Variants in MAST4 observed in about 807,000 individuals in gnomAD.
MAST4 encodes microtubule associated serine/threonine kinase family member 4.
Under a neutral mutation model 162.7 loss-of-function variants are expected in MAST4, and 89 were observed. The observed-to-expected ratio is 0.55, with a 90% CI of 0.46 to 0.65. The LOEUF (loss-of-function observed/expected upper bound fraction) is 0.65, where lower values mean the gene tolerates loss of function less well. Ranked by LOEUF, MAST4 falls within the 30% of genes least tolerant of loss-of-function variation. The pLI is 0.00. For missense variants in MAST4, 3,153 were observed against 3,374.0 expected (o/e 0.93, Z 1.62); for synonymous variants, 1,479 against 1,361.1 (o/e 1.09, Z -1.91).
chr5:66,817,488 A>G (rs907093079), intron 3 of MAST4, among the ~76,000 whole-genome samples: 2 of 152,236 alleles, frequency 1.3e-5, no homozygotes, highest in Admixed American at 6.5e-5. Flanking sequence ...CCTATGTTCA[A>G]TAAAGCTCAA....
intron 4 of MAST4, among the ~76,000 whole-genome samples, chr5:66,925,080 A>G (rs940550251): frequency 1.3e-5 from 2 of 152,162 alleles, no homozygotes; most frequent in East Asian, 1.9e-4. Flanking sequence ...ATGTTTTTCT[A>G]TATACTTTTA....
At chr5:66,640,134 T>A (rs182318461) in intron 1 of MAST4, among the ~76,000 whole-genome samples, 53 of 152,330 alleles carry the variant, frequency 3.5e-4, no homozygotes, top group African/African-American at 1.2e-3. Flanking sequence ...ATACAACAAC[T>A]ATTTTTAGAT....
intron 4 of MAST4, among the ~76,000 whole-genome samples, chr5:67,009,332 G>A (rs1752402075): frequency 6.6e-6 from 1 of 152,168 alleles, no homozygotes; most frequent in Admixed American, 6.5e-5. Flanking sequence ...CAGGATAAAT[G>A]GTGTGTACAA....
At chr5:66,649,361 C>T (rs546772556) in intron 1 of MAST4, among the ~76,000 whole-genome samples, 87 of 152,228 alleles carry the variant, frequency 5.7e-4, no homozygotes, top group Non-Finnish European at 1.0e-3. Flanking sequence ...AGGTTCTGTG[C>T]GTGTCTCTCC....
At chr5:66,907,970 A>G (rs1337666151) in intron 4 of MAST4, among the ~76,000 whole-genome samples, 4 of 152,318 alleles carry the variant, frequency 2.6e-5, no homozygotes, top group African/African-American at 9.6e-5. Context: ...AATTCAAAAT[A>G]TCTATTATCA....
At chr5:67,017,651 T>G (rs149715384) in intron 4 of MAST4, among the ~76,000 whole-genome samples, 2 of 150,394 alleles carry the variant, frequency 1.3e-5, no homozygotes, top group Non-Finnish European at 3.0e-5. Context: ...TCACCCAGGC[T>G]GGAGTGCAAT....
chr5:66,826,973 G>A lies in MAST4; in HGVS notation c.642+38179G>A, dbSNP rs189734435. 7.2e-5 allele frequency among the ~76,000 whole-genome samples: 11 copies of A among 152,246 alleles called. 1 individual carries two copies. Among genetic ancestry groups the A allele is most frequent in the South Asian group, 4.1e-4 (2 of 4,824 alleles). On this transcript the variant is annotated intron_variant, in intron 3 of 28. Coordinates refer to ENST00000403625, the MANE Select transcript of MAST4 (RefSeq NM_001164664.2). ...GCAGGCAACAATTGTCGTTCCCTTCGTTTTCACTGAAGAGCCAGATTTTCT... is the reference window on the plus strand; with the variant it reads ...GCAGGCAACAATTGTCGTTCCCTTCATTTTCACTGAAGAGCCAGATTTTCT...
At chr5:66,919,635 G>C (rs2150040186) in intron 4 of MAST4, among the ~76,000 whole-genome samples, 1 of 147,562 alleles carries the variant, frequency 6.8e-6, no homozygotes, top group Non-Finnish European at 1.5e-5. Flanking sequence ...CTCCAGCCTG[G>C]GCAACAGAGC....
In MAST4 at chr5:67,163,799, A is replaced by G. The variant is rs1773522981; in HGVS notation, c.4620A>G (p.Lys1540=). ...DKLKAKVVVK[K]ADGFPEKQES... ...TGAAGGCCAAGGTGGTGGTGAAGAA[A>G]GCAGACGGCTTCCCAGAGAAACAGG... is the stretch of plus-strand genomic sequence containing the variant. Residue 1540 remains lysine (K), a synonymous_variant, in exon 29 of 29, where the codon AAA becomes AAG. Coordinates refer to ENST00000403625, the MANE Select transcript of MAST4 (RefSeq NM_001164664.2). This position sits in a 1 kb window ranked among gnomAD's most constrained non-coding sequence, Gnocchi z 7.0. The G allele has an allele frequency of 4.3e-6, 7 of 1,612,386 alleles. No individual in the cohort carries two copies. Among genetic ancestry groups the G allele is most frequent in the Non-Finnish European group, 5.9e-6 (7 of 1,179,164 alleles).
In MAST4 at chr5:67,078,918, A is replaced by ATATATATAT. The variant is rs1762196125; in HGVS notation, c.764-11243_764-11235dup. ...TTTATATATTTTTATATAAATATAT[A>ATATATATAT]TATATATATATATATATATATATAT... On this transcript the variant is annotated intron_variant, in intron 5 of 28. Coordinates refer to ENST00000403625, the MANE Select transcript of MAST4 (RefSeq NM_001164664.2). Among the ~76,000 whole-genome samples, 7 of 58,938 alleles carry ATATATATAT rather than the reference A, an allele frequency of 1.2e-4. 1 individual carries two copies. Among genetic ancestry groups the ATATATATAT allele is most frequent in the African/African-American group, 2.0e-4 (2 of 10,246 alleles). The allele number at this position is 58,938 out of a possible 152,430, so 38.7% of individuals were successfully genotyped here.
chr5:66,723,550 A>T (rs1751345184), intron 1 of MAST4, among the ~76,000 whole-genome samples: 1 of 152,162 alleles, frequency 6.6e-6, no homozygotes, highest in Admixed American at 6.6e-5. Flanking sequence ...GAAAGATGCT[A>T]ATTATTTTTT....
intron 5 of MAST4, among the ~76,000 whole-genome samples, chr5:67,081,027 T>TATATAATATAATATATAATTGTATATA (rs1762561805): frequency 7.5e-5 from 10 of 133,266 alleles, no homozygotes; most frequent in African/African-American, 2.7e-4. Context: ...TTGTATATAT[T>TATATAATATAATATATAATTGTATATA]ATATAATATA....
chr5:66,894,014 T>G (rs1224067933), intron 3 of MAST4, among the ~76,000 whole-genome samples: 1 of 152,172 alleles, frequency 6.6e-6, no homozygotes, highest in African/African-American at 2.4e-5. Flanking sequence ...CCAGCTAATT[T>G]TAAGCTTTGT....
At chr5:66,827,602 C>A (rs982050572) in intron 3 of MAST4, among the ~76,000 whole-genome samples, 2 of 152,126 alleles carry the variant, frequency 1.3e-5, no homozygotes, top group Admixed American at 6.5e-5. Flanking sequence ...GGTAGGGAAC[C>A]ACTAGACACT....
chr5:67,154,816 A>C (rs557820777), intron 26 of MAST4, among the ~76,000 whole-genome samples: 1 of 152,236 alleles, frequency 6.6e-6, no homozygotes, highest in Non-Finnish European at 1.5e-5. Flanking sequence ...GATACAAGGG[A>C]TTTAATTATC....
intron 3 of MAST4, among the ~76,000 whole-genome samples, chr5:66,858,972 A>G (rs1022210068): frequency 7.2e-5 from 11 of 152,098 alleles, no homozygotes; most frequent in African/African-American, 2.7e-4. Flanking sequence ...TTACTAGTAT[A>G]TATAAATACT....
At chr5:66,636,510 G>T (rs1223674115) in intron 1 of MAST4, among the ~76,000 whole-genome samples, 1 of 152,158 alleles carries the variant, frequency 6.6e-6, no homozygotes, top group Non-Finnish European at 1.5e-5. Flanking sequence ...TGTGGTGGTG[G>T]TTAGCACAAT....
chr5:66,829,756 T>C (rs1311736382), intron 3 of MAST4, among the ~76,000 whole-genome samples: 3 of 152,196 alleles, frequency 2.0e-5, no homozygotes, highest in African/African-American at 7.2e-5. Flanking sequence ...TTTAGAAATG[T>C]TTCCTTAATA....
chr5:67,137,101 C>CTAT (rs1237131246), intron 19 of MAST4, among the ~76,000 whole-genome samples: 7 of 152,172 alleles, frequency 4.6e-5, no homozygotes, highest in East Asian at 1.9e-4. Flanking sequence ...CGTTACTATA[C>CTAT]ACAAGCTTTG....
Sources: gnomAD v4.1 joint callset for allele counts (sites outside exome capture counted in the v4.1 genomes callset) on GRCh38, gnomAD v4.1.1 for gene constraint, Gnocchi (gnomAD v3.1) non-coding constraint, MANE v1.5 for transcripts, NCBI Gene and HGNC (gene_info 2026-07-23, HGNC 2026-07-21) for gene names.